PCDHGA9: variants seen among roughly 807,000 people sequenced by gnomAD.
PCDHGA9 encodes protocadherin gamma subfamily A, 9, also known as protocadherin gamma-A9.
In PCDHGA9, 37 loss-of-function variants were observed where a neutral mutation model predicts 62.5. The observed-to-expected ratio is 0.59, with a 90% CI of 0.46 to 0.78. The LOEUF (loss-of-function observed/expected upper bound fraction) is 0.78. Among genes scored for constraint, PCDHGA9 ranks in the 30% least tolerant of loss-of-function variants. The pLI, the probability that PCDHGA9 is intolerant of heterozygous loss-of-function variation, is 0.00. For synonymous variants in PCDHGA9, 459 were observed against 484.6 expected, an observed-to-expected ratio of 0.95 and a Z score of 0.69; for missense variants, 1,138 against 1,166.2, an observed-to-expected ratio of 0.98 and a Z score of 0.35.
chr5:141,419,748 G>T, intron 1 of PCDHGA9: 1 of 1,613,872 alleles, frequency 6.2e-7, no homozygotes, highest in Non-Finnish European at 8.5e-7. Flanking sequence ...CGCATGGTGC[G>T]TGCTTTGGGT....
chr5:141,462,911 T>C (rs1263378930), intron 1 of PCDHGA9, among the ~76,000 whole-genome samples: 1 of 152,248 alleles, frequency 6.6e-6, no homozygotes, highest in Non-Finnish European at 1.5e-5. Flanking sequence ...ATTATGTTTT[T>C]TGCAGATCAG....
intron 1 of PCDHGA9, among the ~76,000 whole-genome samples, chr5:141,455,519 G>T (rs1439363688): frequency 1.3e-5 from 2 of 152,158 alleles, no homozygotes; most frequent in East Asian, 3.9e-4. Flanking sequence ...TCAGGGGATT[G>T]GTTTGACCAG....
rs2099427993 is a variant in PCDHGA9, at chr5:141,477,978, T to C, written c.2425-16829T>C. Reference sequence around the variant, plus strand: ...TCCCCTAACCAGAGCCTTTTTGCCATAGGGCTGCACACTGGTCAAATCAGT... The same window carrying C: ...TCCCCTAACCAGAGCCTTTTTGCCACAGGGCTGCACACTGGTCAAATCAGT... On this transcript the variant is annotated intron_variant, in intron 1 of 3. Coordinates refer to ENST00000573521, the MANE Select transcript of PCDHGA9 (RefSeq NM_018921.3). This position sits in a 1 kb window ranked among gnomAD's most constrained non-coding sequence, Gnocchi z 4.9. 6.2e-7 allele frequency: 1 copy of C among 1,614,120 alleles called. No individual in the cohort carries two copies. Among genetic ancestry groups the C allele is most frequent in the Non-Finnish European group, 8.5e-7 (1 of 1,180,022 alleles).
chr5:141,489,166 C>A lies in PCDHGA9; in HGVS notation c.2425-5641C>A. The A allele has an allele frequency of 9.1e-7, 1 of 1,099,536 alleles. No individual in the cohort carries two copies. The highest frequency in any genetic ancestry group is 1.3e-6 in the Non-Finnish European group (1 of 761,554). The allele number at this position is 1,099,536 out of a possible 1,614,324, so 68.1% of individuals were successfully genotyped here. ...AAGGAGACATAAGAGACTTCAGCTGCTGCATTCCAAGCCCTGGGTCTACCT... is the reference window on the plus strand; with the variant it reads ...AAGGAGACATAAGAGACTTCAGCTGATGCATTCCAAGCCCTGGGTCTACCT... On this transcript the variant is annotated intron_variant, in intron 1 of 3. Transcript: ENST00000573521. This position sits in a 1 kb window ranked among gnomAD's most constrained non-coding sequence, Gnocchi z 4.5.
chr5:141,468,274 G>A (rs1461428449), intron 1 of PCDHGA9, among the ~76,000 whole-genome samples: 1 of 144,906 alleles, frequency 6.9e-6, no homozygotes, highest in Non-Finnish European at 1.5e-5. Flanking sequence ...GTGGTGAGCC[G>A]AGACCACGCC....
Position 141,427,474 on chromosome 5 carries a change from A to T in PCDHGA9, c.2424+22098A>T, listed in dbSNP as rs373512099. On this transcript the variant is annotated intron_variant, in intron 1 of 3. Transcript: ENST00000573521. The stretch of plus-strand genomic sequence containing the variant: ...CCTTTTAGAATCGAATCTTCCGCCA[A>T]TAATGACTATAAGCTTGTAACAGAT... 10 of 520,294 alleles carry T rather than the reference A, an allele frequency of 1.9e-5. No individual in the cohort carries two copies. In the East Asian group the frequency reaches 2.1e-4, roughly 11 times the overall value. The allele number at this position is 520,294 out of a possible 1,614,324, so 32.2% of individuals were successfully genotyped here. A position where few individuals can be genotyped will look rare whatever the true frequency, so the allele number is the denominator to read the frequency against.
At chr5:141,408,578 G>A (rs775312574) in intron 1 of PCDHGA9, 3 of 1,613,928 alleles carry the variant, frequency 1.9e-6, no homozygotes, top group African/African-American at 1.3e-5. Flanking sequence ...GATTGAGGAT[G>A]TTAATGACCA....
chr5:141,405,407 CTTTT>C (rs762612492), intron 1 of PCDHGA9, 31 bp downstream of exon 1: 1 of 1,581,924 alleles, frequency 6.3e-7, no homozygotes, highest in Non-Finnish European at 8.6e-7. Flanking sequence ...TCTTTCTTTT[CTTTT>C]TTTGTTTTTT....
At position 141,431,374 on chromosome 5, in the gene PCDHGA9, G is replaced by T. The variant is rs1561851775; in HGVS notation, c.2424+25998G>T. On this transcript the variant is annotated intron_variant, in intron 1 of 3. Coordinates refer to ENST00000573521, the MANE Select transcript of PCDHGA9 (RefSeq NM_018921.3). The surrounding 1 kb of genome is among the most constrained non-coding windows in gnomAD (Gnocchi z 4.8). ...AACGCGCCCTGGACCGCGAAGAAAA[G>T]GCTGCTCACCACCTGGTCCTTACGG... 1.9e-6 allele frequency: 3 copies of T among 1,613,862 alleles called. No individual in the cohort carries two copies. Among genetic ancestry groups the T allele is most frequent in the Non-Finnish European group, 2.5e-6 (3 of 1,180,044 alleles).
chr5:141,409,056 C>T, intron 1 of PCDHGA9: 2 of 1,613,926 alleles, frequency 1.2e-6, no homozygotes, highest in South Asian at 1.1e-5. Context: ...CGAAGCACTG[C>T]CCAGAGCACA....
intron 1 of PCDHGA9, among the ~76,000 whole-genome samples, chr5:141,454,730 A>C (rs2098797371): frequency 6.7e-6 from 1 of 150,092 alleles, no homozygotes; most frequent in Admixed American, 6.7e-5. Context: ...TATATGTTAT[A>C]GGATGAAAAG....
intron 1 of PCDHGA9, chr5:141,422,314 C>T: frequency 6.5e-7 from 1 of 1,547,838 alleles, no homozygotes; most frequent in Non-Finnish European, 8.7e-7. Context: ...AAACTCTCCT[C>T]CAGGTACAGT....
At chr5:141,462,540 T>G (rs2099042148) in intron 1 of PCDHGA9, among the ~76,000 whole-genome samples, 2 of 152,204 alleles carry the variant, frequency 1.3e-5, no homozygotes, top group Non-Finnish European at 2.9e-5. Flanking sequence ...TCAGTGATCT[T>G]TTCTTCTTCA....
chr5:141,505,342 T>C (rs2099845433), intron 2 of PCDHGA9, 51 bp from the exon 3 acceptor site: 1 of 1,612,738 alleles, frequency 6.2e-7, no homozygotes, highest in African/African-American at 1.3e-5. Flanking sequence ...AGGAGGGGCA[T>C]GAGCTGTGCC....
At chr5:141,445,964 T>C (rs1199096510) in intron 1 of PCDHGA9, among the ~76,000 whole-genome samples, 2 of 152,280 alleles carry the variant, frequency 1.3e-5, no homozygotes, top group South Asian at 4.1e-4. Context: ...ATATGGAGAA[T>C]TGATTTATGA....
chr5:141,422,479 A>G, intron 1 of PCDHGA9: 1 of 1,613,890 alleles, frequency 6.2e-7, no homozygotes, highest in Non-Finnish European at 8.5e-7. Flanking sequence ...GTTGGTCCAG[A>G]GCTACAATAT....
intron 2 of PCDHGA9, among the ~76,000 whole-genome samples, chr5:141,503,780 T>G (rs779791247): frequency 7.2e-5 from 11 of 152,124 alleles, no homozygotes; most frequent in Non-Finnish European, 1.3e-4. Flanking sequence ...GTTCTTAGGC[T>G]GAGTTCATCT....
intron 1 of PCDHGA9, among the ~76,000 whole-genome samples, chr5:141,454,195 T>A (rs1295815862): frequency 1.3e-5 from 2 of 152,136 alleles, no homozygotes; most frequent in Admixed American, 1.3e-4. Flanking sequence ...TTAGTGAAGG[T>A]GAATTTATTG....
At chr5:141,421,278 G>A (rs764787116) in intron 1 of PCDHGA9, 1 of 1,612,872 alleles carries the variant, frequency 6.2e-7, no homozygotes, top group African/African-American at 1.3e-5. Flanking sequence ...TGCTGCTGCT[G>A]TGCATTTTCC....
Sources: allele counts gnomAD v4.1 joint callset (sites outside exome capture counted in the v4.1 genomes callset), GRCh38; gene constraint gnomAD v4.1.1; non-coding constraint Gnocchi (gnomAD v3.1); transcripts MANE v1.5; gene names NCBI Gene and HGNC (gene_info 2026-07-23, HGNC 2026-07-21).